MYO1E: variants seen among roughly 807,000 people sequenced by gnomAD.
MYO1E encodes the protein myosin IE.
A neutral mutation model predicts 151.1 loss-of-function variants in MYO1E; 68 were observed. That is an observed-to-expected ratio of 0.45 (90% confidence interval 0.37 to 0.55). The LOEUF is 0.55. Ranked by LOEUF, MYO1E falls within the 20% of genes least tolerant of loss-of-function variation. The pLI is 0.00. For missense variants in MYO1E, 1,363 were observed against 1,389.3 expected, an observed-to-expected ratio of 0.98 and a Z score of 0.30; for synonymous variants, 601 against 501.7, an observed-to-expected ratio of 1.20 and a Z score of -2.64.
intron 25 of MYO1E, among the ~76,000 whole-genome samples, chr15:59,154,053 G>T (rs1376567069): frequency 6.6e-6 from 1 of 152,184 alleles, no homozygotes; most frequent in African/African-American, 2.4e-5. Context: ...AACAATGCAT[G>T]GTCAACTTCC....
intron 10 of MYO1E, among the ~76,000 whole-genome samples, chr15:59,217,519 CTTTTTTTT>C (rs1164320277): frequency 6.0e-4 from 32 of 53,164 alleles, no homozygotes; most frequent in Admixed American, 1.8e-3. Context: ...GTCGTTTTAC[CTTTTTTTT>C]TTTTTTTTTT....
chr15:59,296,314 C>G (rs8032751), intron 1 of MYO1E, among the ~76,000 whole-genome samples: 151,633 of 152,376 alleles, frequency 1, 75,452 homozygotes, highest in Middle Eastern at 1. Flanking sequence ...CCAAACACAG[C>G]GTTCACAGGC....
At chr15:59,233,389 G>A (rs897842256) in intron 5 of MYO1E, among the ~76,000 whole-genome samples, 20 of 152,196 alleles carry the variant, frequency 1.3e-4, no homozygotes, top group Admixed American at 3.9e-4. Flanking sequence ...CCATCGGCCG[G>A]GCGCGGTGGC....
At chr15:59,337,285 AG>A (rs1161441580) in intron 1 of MYO1E, among the ~76,000 whole-genome samples, 3 of 152,238 alleles carry the variant, frequency 2.0e-5, no homozygotes, top group Non-Finnish European at 4.4e-5. Context: ...AGTTTACTAC[AG>A]GTATGAAAAC....
At chr15:59,227,618 A>T in intron 6 of MYO1E, 28 bp from the exon 7 acceptor site, 1 of 1,613,592 alleles carries the variant, frequency 6.2e-7, no homozygotes, top group Non-Finnish European at 8.5e-7. Flanking sequence ...ATTTCCTTCA[A>T]TGGTTGGTGA....
intron 1 of MYO1E, among the ~76,000 whole-genome samples, chr15:59,297,005 AATCGCCCG>A (rs1356872598): frequency 2.3e-5 from 1 of 44,204 alleles, no homozygotes; most frequent in South Asian, 1.9e-3. Flanking sequence ...ACGCCCGGCT[AATCGCCCG>A]GCTAATTTTT....
In MYO1E at chr15:59,252,000, T is replaced by C. The variant is rs376705185; in HGVS notation, c.332+4284A>G. On this transcript the variant is annotated intron_variant, in intron 4 of 27. Transcript: ENST00000288235. ...TAACAGCATTAACAAACTTATTCTA[T>C]CTGTCTAAAACGCATACAATGCAAT... Among the ~76,000 whole-genome samples, 11 of 152,360 alleles carry C rather than the reference T, an allele frequency of 7.2e-5. No homozygotes were observed. In the East Asian group the frequency reaches 1.5e-3, roughly 21 times the overall value.
intron 1 of MYO1E, among the ~76,000 whole-genome samples, chr15:59,282,480 G>T (rs532235363): frequency 1.6e-4 from 24 of 151,974 alleles, no homozygotes; most frequent in East Asian, 7.8e-4. Flanking sequence ...TTACCAAAAC[G>T]GTTCTGTCCT....
chr15:59,220,988 T>TATATATATAATTATATATATA (rs1202424257), intron 9 of MYO1E, among the ~76,000 whole-genome samples: 2 of 143,444 alleles, frequency 1.4e-5, no homozygotes, highest in Admixed American at 7.0e-5. Flanking sequence ...CATCTCACAT[T>TATATATATAATTATATATATA]ATATATATAA....
At chr15:59,359,337 T>TA (rs1242592709) in intron 1 of MYO1E, among the ~76,000 whole-genome samples, 3 of 147,472 alleles carry the variant, frequency 2.0e-5, no homozygotes, top group Non-Finnish European at 4.5e-5. Flanking sequence ...TTTTTTTTTT[T>TA]AATTAGCTAG....
In MYO1E at chr15:59,223,065, C is replaced by G. The variant is rs373648216; in HGVS notation, c.904G>C (p.Glu302Gln). The G allele has an allele frequency of 6.2e-7, 1 of 1,614,070 alleles. No individual in the cohort carries two copies. ...EVGNYAAVESEEFLAFPAYLL... is the reference protein window; with the variant it reads ...EVGNYAAVESQEFLAFPAYLL... ...ACATGCCAGGGCTACGCACACTCTTCACTCTCCACAGCCGCGTAGTTGCCA... is the reference window on the plus strand; with the variant it reads ...ACATGCCAGGGCTACGCACACTCTTGACTCTCCACAGCCGCGTAGTTGCCA... Residue 302 changes from glutamate (E) to glutamine (Q), a missense_variant, in exon 9 of 28, where the codon GAA becomes CAA. Transcript: ENST00000288235.
At chr15:59,139,357 TTACC>T in intron 26 of MYO1E, among the ~76,000 whole-genome samples, 1 of 128,538 alleles carries the variant, frequency 7.8e-6, no homozygotes, top group African/African-American at 3.3e-5. Context: ...CTCCTCACAC[TTACC>T]TCCCACCGCT....
intron 26 of MYO1E, among the ~76,000 whole-genome samples, chr15:59,138,669 C>T (rs1252518166): frequency 2.6e-5 from 4 of 152,192 alleles, no homozygotes; most frequent in African/African-American, 9.7e-5. Context: ...TATACCCATA[C>T]ATTTAAATCA....
At position 59,213,176 on chromosome 15, in the gene MYO1E, T is replaced by C. The variant is rs974193638; in HGVS notation, c.1275+1052A>G. ...ATTATTATTATTATTATTATTATTA[T>C]TATTATTATTTTGAGACGAAGTCTC... On this transcript the variant is annotated intron_variant, in intron 12 of 27. Coordinates refer to ENST00000288235, the MANE Select transcript of MYO1E (RefSeq NM_004998.4). 1.9e-4 allele frequency among the ~76,000 whole-genome samples: 28 copies of C among 145,972 alleles called. No homozygotes were observed. In the South Asian group the frequency reaches 3.9e-3, roughly 20 times the overall value.
intron 1 of MYO1E, among the ~76,000 whole-genome samples, chr15:59,329,043 T>G (rs1259333207): frequency 6.6e-6 from 1 of 152,206 alleles, no homozygotes; most frequent in Non-Finnish European, 1.5e-5. Flanking sequence ...CAACAGAAGG[T>G]ACGGAGGACT....
intron 1 of MYO1E, among the ~76,000 whole-genome samples, chr15:59,289,155 G>A (rs1393292302): frequency 1.3e-5 from 2 of 152,134 alleles, no homozygotes; most frequent in African/African-American, 4.8e-5. Flanking sequence ...CTAGAACTCG[G>A]GTCCTCTGAC....
Position 59,356,629 on chromosome 15 carries a change from G to A in MYO1E, c.3+15869C>T, listed in dbSNP as rs563240412. On this transcript the variant is annotated intron_variant, in intron 1 of 27. Transcript: ENST00000288235. The stretch of plus-strand genomic sequence containing the variant: ...TTGTTGTTGTTTTTCCTGAAACAGG[G>A]TCTCTCTCTGCAATCTCGGCTCACT... Among the ~76,000 whole-genome samples the A allele has an allele frequency of 2.6e-5, 4 of 152,230 alleles. No homozygotes were observed. In the East Asian group the frequency reaches 5.8e-4, roughly 22 times the overall value.
chr15:59,237,911 A>C (rs2080076611), intron 4 of MYO1E, among the ~76,000 whole-genome samples: 1 of 152,222 alleles, frequency 6.6e-6, no homozygotes, highest in Non-Finnish European at 1.5e-5. Context: ...AATTTCCTTG[A>C]ACTAATAATA....
intron 7 of MYO1E, among the ~76,000 whole-genome samples, chr15:59,225,430 T>G (rs28601756): frequency 0.23 from 34,769 of 152,034 alleles, 4,660 homozygotes; most frequent in African/African-American, 0.37. Context: ...CTCTGACCAT[T>G]TGATCCTGTC....
Sources: gnomAD v4.1 joint callset for allele counts (sites outside exome capture counted in the v4.1 genomes callset) on GRCh38, gnomAD v4.1.1 for gene constraint, MANE v1.5 for transcripts, NCBI Gene and HGNC (gene_info 2026-07-23, HGNC 2026-07-21) for gene names.